Variants in COBL observed in about 807,000 individuals in gnomAD.
The protein encoded by COBL is protein cordon-bleu.
In COBL, 51 loss-of-function variants were observed where a neutral mutation model predicts 98.8. The observed-to-expected ratio is 0.52, with a 90% CI of 0.41 to 0.65. The LOEUF is 0.65. Ranked by LOEUF, COBL falls within the 30% of genes least tolerant of loss-of-function variation. The probability of loss-of-function intolerance (pLI) is 0.00; values close to 1 mark genes in which losing one functional copy is unlikely to be tolerated. For synonymous variants in COBL, 634 were observed against 651.7 expected, an observed-to-expected ratio of 0.97 and a Z score of 0.41; for missense variants, 1,617 against 1,617.5, an observed-to-expected ratio of 1.00 and a Z score of 0.01.
intron 1 of COBL, among the ~76,000 whole-genome samples, chr7:51,231,266 G>A (rs971271804): frequency 6.6e-6 from 1 of 152,200 alleles, no homozygotes; most frequent in Non-Finnish European, 1.5e-5. Context: ...CTCTAGTGCA[G>A]AGGAAACCCC....
At chr7:51,142,216 G>C (rs1799824298) in intron 5 of COBL, among the ~76,000 whole-genome samples, 1 of 151,962 alleles carries the variant, frequency 6.6e-6, no homozygotes, top group Admixed American at 6.6e-5. Context: ...GAATGCCTGG[G>C]GGATGGCATT....
intron 1 of COBL, 114 bp downstream of exon 1, chr7:51,316,479 G>T: frequency 1.3e-6 from 1 of 764,286 alleles, no homozygotes; most frequent in Non-Finnish European, 1.7e-6. Context: ...ACTACCACCA[G>T]CACCCGCTGG....
At position 51,136,386 on chromosome 7, in the gene COBL, G is replaced by A. The variant is rs10273757; in HGVS notation, c.784-55C>T. The stretch of plus-strand genomic sequence containing the variant: ...AATCAGTATGAGATGACTTCTCCCC[G>A]TATGAATGCTCACATGAAGACAAAG... On this transcript the variant is annotated intron_variant, in intron 5 of 12. Transcript: ENST00000265136. The A allele has an allele frequency of 1.5e-3, 2,214 of 1,519,402 alleles. 24 individuals carry two copies. The African/African-American group carries it at 0.027, about 19-fold the overall frequency. 94.1% of individuals were successfully genotyped at this position (1,519,402 alleles called of 1,614,324 possible). A position where few individuals can be genotyped will look rare whatever the true frequency, so the allele number is the denominator to read the frequency against.
At chr7:51,061,681 G>A (rs1018813764) in intron 7 of COBL, among the ~76,000 whole-genome samples, 10 of 152,092 alleles carry the variant, frequency 6.6e-5, no homozygotes, top group African/African-American at 2.2e-4. Flanking sequence ...TGCCCTTACC[G>A]CTGTGGGCAG....
At chr7:51,239,791 T>G (rs1030797147) in intron 1 of COBL, among the ~76,000 whole-genome samples, 11 of 152,218 alleles carry the variant, frequency 7.2e-5, no homozygotes, top group African/African-American at 2.7e-4. Flanking sequence ...CATGGTATTT[T>G]GCCATGGAAA....
chr7:51,102,248 T>C (rs768766995), intron 6 of COBL, among the ~76,000 whole-genome samples: 5 of 152,192 alleles, frequency 3.3e-5, no homozygotes, highest in Non-Finnish European at 5.9e-5. Flanking sequence ...GTCTGGCATA[T>C]GGTAGGAAGG....
At chr7:51,115,533 C>T (rs146077635) in intron 6 of COBL, among the ~76,000 whole-genome samples, 166 of 152,138 alleles carry the variant, frequency 1.1e-3, no homozygotes, top group Non-Finnish European at 1.8e-3. Flanking sequence ...ACTTAGATTA[C>T]TTAAAAGTAT....
intron 5 of COBL, among the ~76,000 whole-genome samples, chr7:51,153,159 C>A (rs568516589): frequency 6.6e-6 from 1 of 152,028 alleles, no homozygotes; most frequent in South Asian, 2.1e-4. Context: ...GTGCACACTC[C>A]GGTGAGAAGC....
In COBL at chr7:51,029,134, A is replaced by C. The variant is rs1458999849; in HGVS notation, c.1962T>G (p.Cys654Trp). 1 of 1,614,186 alleles carries C rather than the reference A, an allele frequency of 6.2e-7. No individual in the cohort carries two copies. The highest frequency in any genetic ancestry group is 8.5e-7 in the Non-Finnish European group (1 of 1,180,042). Residue 654 changes from cysteine to tryptophan, a missense_variant, in exon 10 of 13, where the codon TGT becomes TGG. Coordinates refer to ENST00000265136, the MANE Select transcript of COBL (RefSeq NM_015198.5). ...NAKVKDKVYG[C>W]ADGERTQATE... is the part of the protein sequence containing the mutation. ...TGGCTTGAGTCCTCTCCCCGTCAGC[A>C]CAGCCATACACTTTGTCTTTCACTT... is the stretch of plus-strand genomic sequence containing the variant.
intron 2 of COBL, among the ~76,000 whole-genome samples, chr7:51,202,778 C>T (rs530793229): frequency 1.1e-4 from 16 of 152,326 alleles, no homozygotes; most frequent in African/African-American, 2.9e-4. Flanking sequence ...CAGTGGCTCA[C>T]GCCTGTAATC....
chr7:51,297,275 T>G (rs1288792467), intron 1 of COBL, among the ~76,000 whole-genome samples: 1 of 152,134 alleles, frequency 6.6e-6, no homozygotes, highest in Admixed American at 6.5e-5. Context: ...TTATTAGGAA[T>G]CACACCAGGT....
intron 7 of COBL, among the ~76,000 whole-genome samples, chr7:51,063,839 C>A (rs1791631098): frequency 6.6e-6 from 1 of 152,206 alleles, no homozygotes; most frequent in African/African-American, 2.4e-5. Context: ...GCCCCCGAAA[C>A]ATTTCTAAAT....
intron 1 of COBL, among the ~76,000 whole-genome samples, chr7:51,229,644 A>G (rs916801689): frequency 6.6e-6 from 1 of 152,224 alleles, no homozygotes; most frequent in African/African-American, 2.4e-5. Context: ...GCCACCTCTC[A>G]GGCATGATTT....
chr7:51,120,457 A>T (rs1028548718), intron 6 of COBL, among the ~76,000 whole-genome samples: 26 of 152,210 alleles, frequency 1.7e-4, no homozygotes, highest in African/African-American at 5.5e-4. Flanking sequence ...TGGTTAAATA[A>T]TTTTTTAAAT....
chr7:51,182,435 C>T (rs1453276139), intron 5 of COBL, among the ~76,000 whole-genome samples: 1 of 152,104 alleles, frequency 6.6e-6, no homozygotes, highest in African/African-American at 2.4e-5. Context: ...GTACCTGCCA[C>T]CACACCTGGC....
At chr7:51,222,944 A>G (rs943984328) in intron 1 of COBL, among the ~76,000 whole-genome samples, 15 of 152,144 alleles carry the variant, frequency 9.9e-5, no homozygotes, top group Admixed American at 4.6e-4. Context: ...CACCCTTGTA[A>G]TAGAATTTTA....
At chr7:51,142,981 A>G (rs1407977003) in intron 5 of COBL, among the ~76,000 whole-genome samples, 1 of 152,118 alleles carries the variant, frequency 6.6e-6, no homozygotes, top group Non-Finnish European at 1.5e-5. Context: ...AGGGGGAGGG[A>G]GAGATGCAGT....
At chr7:51,253,180 G>A (rs1796888147) in intron 1 of COBL, among the ~76,000 whole-genome samples, 1 of 151,688 alleles carries the variant, frequency 6.6e-6, no homozygotes, top group Non-Finnish European at 1.5e-5. Flanking sequence ...GCCGAGATGG[G>A]GCCACTGCAC....
chr7:51,117,508 T>C (rs1370433880), intron 6 of COBL, among the ~76,000 whole-genome samples: 1 of 152,164 alleles, frequency 6.6e-6, no homozygotes, highest in African/African-American at 2.4e-5. Flanking sequence ...GAAATTTTTA[T>C]ATTGGCTATT....
Sources: allele counts gnomAD v4.1 joint callset (sites outside exome capture counted in the v4.1 genomes callset), GRCh38; gene constraint gnomAD v4.1.1; transcripts MANE v1.5; gene names NCBI Gene and HGNC (gene_info 2026-07-23, HGNC 2026-07-21).